Variants in TMEM132C observed in about 807,000 individuals in gnomAD.
TMEM132C encodes the protein transmembrane protein 132C.
In TMEM132C, 29 loss-of-function variants were observed where a neutral mutation model predicts 61.4. The ratio of observed to expected loss-of-function variants is 0.47; its 90% CI spans 0.35 to 0.64. TMEM132C has a LOEUF of 0.64. Ranked by LOEUF, TMEM132C falls within the 30% of genes least tolerant of loss-of-function variation. The pLI is 0.00. For synonymous variants in TMEM132C, 656 were observed against 633.1 expected (o/e 1.04, Z -0.54); for missense variants, 1,408 against 1,476.9 (o/e 0.95, Z 0.76).
At chr12:128,391,190 G>A (rs189433554) in intron 1 of TMEM132C, among the ~76,000 whole-genome samples, 3 of 152,302 alleles carry the variant, frequency 2.0e-5, no homozygotes, top group Admixed American at 1.3e-4. Context: ...GAACCACTAC[G>A]GTAGGATTGG....
intron 2 of TMEM132C, among the ~76,000 whole-genome samples, chr12:128,464,253 A>G (rs1460897515): frequency 6.6e-6 from 1 of 151,888 alleles, no homozygotes; most frequent in African/African-American, 2.4e-5. Flanking sequence ...CAAGGGTAAC[A>G]CTCTTCAGGA....
chr12:128,661,578 TG>T (rs1954390827), intron 4 of TMEM132C, among the ~76,000 whole-genome samples: 1 of 148,966 alleles, frequency 6.7e-6, no homozygotes, highest in Non-Finnish European at 1.5e-5. Context: ...AAAAAAACCC[TG>T]GATACATATG....
Position 128,606,996 on chromosome 12 carries a change from G to A in TMEM132C, c.1122-9156G>A, listed in dbSNP as rs138831647. Among the ~76,000 whole-genome samples the A allele has an allele frequency of 3.3e-5, 5 of 152,258 alleles. No homozygotes were observed. The East Asian group carries it at 7.7e-4, about 24-fold the overall frequency. ...GGAGGTGGAAGAAGTCAACAAATAC[G>A]ATGAATAAGGAAGACACAGGACAGG... On this transcript the variant is annotated intron_variant, in intron 3 of 8. Transcript: ENST00000435159.
At chr12:128,648,749 T>C (rs1478300752) in intron 4 of TMEM132C, among the ~76,000 whole-genome samples, 10 of 124,272 alleles carry the variant, frequency 8.0e-5, no homozygotes, top group South Asian at 2.9e-4. Flanking sequence ...TGGAGTCCAT[T>C]GGCGTTGGAT....
At chr12:128,492,093 A>T (rs1387831821) in intron 2 of TMEM132C, among the ~76,000 whole-genome samples, 1 of 152,046 alleles carries the variant, frequency 6.6e-6, no homozygotes, top group African/African-American at 2.4e-5. Flanking sequence ...GAGTGAGAAC[A>T]TGCGGTGTTT....
intron 3 of TMEM132C, among the ~76,000 whole-genome samples, chr12:128,585,239 T>C (rs770316466): frequency 1.3e-5 from 2 of 152,254 alleles, no homozygotes; most frequent in African/African-American, 4.8e-5. Flanking sequence ...TCTAATGCCA[T>C]CTCTGGATAG....
intron 2 of TMEM132C, among the ~76,000 whole-genome samples, chr12:128,498,968 C>T (rs1872065774): frequency 6.6e-6 from 1 of 152,082 alleles, no homozygotes; most frequent in South Asian, 2.1e-4. Flanking sequence ...AAAGTGATCA[C>T]CAATTCAATG....
Position 128,491,452 on chromosome 12 carries a change from G to A in TMEM132C, c.975-52505G>A, listed in dbSNP as rs190772779. On this transcript the variant is annotated intron_variant, in intron 2 of 8. Transcript: ENST00000435159. ...GTGGGCTGCTTGTGCCCAATGGAGC[G>A]AGAGCCAGTCGGAGATTAGTCCCTG... Among the ~76,000 whole-genome samples, 15 of 152,296 alleles carry A rather than the reference G, an allele frequency of 9.8e-5. No homozygotes were observed. In the East Asian group the frequency reaches 2.1e-3, roughly 22 times the overall value.
chr12:128,429,489 A>G (rs2064853667), intron 2 of TMEM132C, among the ~76,000 whole-genome samples: 1 of 152,132 alleles, frequency 6.6e-6, no homozygotes, highest in Admixed American at 6.5e-5. Flanking sequence ...ATGGGCTGCT[A>G]AGAGCTCTCT....
At chr12:128,305,539 CTTT>C (rs34692834) in intron 1 of TMEM132C, among the ~76,000 whole-genome samples, 1 of 141,614 alleles carries the variant, frequency 7.1e-6, no homozygotes, top group Non-Finnish European at 1.5e-5. Context: ...GGTTTTGTGG[CTTT>C]TTTTTTTTTT....
At chr12:128,272,497 CAT>C (rs1247051233) in intron 1 of TMEM132C, among the ~76,000 whole-genome samples, 1 of 152,142 alleles carries the variant, frequency 6.6e-6, no homozygotes, top group Admixed American at 6.5e-5. Context: ...TTCATGCAAA[CAT>C]ATATTTTCAT....
intron 2 of TMEM132C, among the ~76,000 whole-genome samples, chr12:128,449,251 G>T (rs1434415062): frequency 6.6e-6 from 1 of 151,916 alleles, no homozygotes; most frequent in East Asian, 1.9e-4. Flanking sequence ...AGAGTTTGGA[G>T]CCAGAAGGCT....
chr12:128,524,649 G>A (rs1237035613), intron 2 of TMEM132C, among the ~76,000 whole-genome samples: 1 of 152,190 alleles, frequency 6.6e-6, no homozygotes, highest in East Asian at 1.9e-4. Flanking sequence ...GAAGCTTGCG[G>A]TGAGATTCCA....
At chr12:128,380,129 A>G (rs1303537942) in intron 1 of TMEM132C, among the ~76,000 whole-genome samples, 1 of 152,244 alleles carries the variant, frequency 6.6e-6, no homozygotes, top group African/African-American at 2.4e-5. Context: ...TGATCACCGT[A>G]TTAAAACAAC....
intron 4 of TMEM132C, among the ~76,000 whole-genome samples, chr12:128,644,100 C>T (rs1239006670): frequency 1.3e-5 from 2 of 152,264 alleles, no homozygotes; most frequent in East Asian, 1.9e-4. Flanking sequence ...GTGGCCAATA[C>T]CAAGTGTTGG....
intron 4 of TMEM132C, among the ~76,000 whole-genome samples, chr12:128,662,534 CAT>C (rs1215055416): frequency 6.6e-6 from 1 of 152,170 alleles, no homozygotes; most frequent in Non-Finnish European, 1.5e-5. Context: ...TGGTCAAGAA[CAT>C]ATACTCCTGC....
chr12:128,542,690 T>G (rs568551406), intron 2 of TMEM132C, among the ~76,000 whole-genome samples: 10 of 150,164 alleles, frequency 6.7e-5, no homozygotes, highest in African/African-American at 2.4e-4. Flanking sequence ...TGAAACCCAA[T>G]CTCTACTAAA....
chr12:128,279,709 G>A (rs1004142482), intron 1 of TMEM132C, among the ~76,000 whole-genome samples: 7 of 152,184 alleles, frequency 4.6e-5, no homozygotes, highest in African/African-American at 1.7e-4. Context: ...TGTGCCAAGG[G>A]CACCTCCTCA....
rs922314398 is a variant in TMEM132C at position 128,605,441 on chromosome 12, G to A, written c.1122-10711G>A. On this transcript the variant is annotated intron_variant, in intron 3 of 8. Transcript: ENST00000435159. Reference sequence around the variant, plus strand: ...TTCACCCACATTGTGGGGGGCCAAGGGCTTCACTCAGCTGAGGTGTTAATT... The same window carrying A: ...TTCACCCACATTGTGGGGGGCCAAGAGCTTCACTCAGCTGAGGTGTTAATT... 3.9e-5 allele frequency among the ~76,000 whole-genome samples: 6 copies of A among 152,126 alleles called. 1 individual carries two copies. Among genetic ancestry groups the A allele is most frequent in the Admixed American group, 2.0e-4 (3 of 15,284 alleles).
Sources: gnomAD v4.1 joint callset for allele counts (sites outside exome capture counted in the v4.1 genomes callset) on GRCh38, gnomAD v4.1.1 for gene constraint, MANE v1.5 for transcripts, NCBI Gene and HGNC (gene_info 2026-07-23, HGNC 2026-07-21) for gene names.